The following CCDC15 variants were observed in gnomAD, a reference collection of about 807,000 sequenced individuals.
CCDC15 encodes coiled-coil domain-containing protein 15.
Under a neutral mutation model 114.5 loss-of-function variants are expected in CCDC15, and 105 were observed. That is an observed-to-expected ratio of 0.92 (90% CI 0.78 to 1.08). The LOEUF is 1.08. Among genes scored for constraint, CCDC15 ranks in the 50% least tolerant of loss-of-function variants. CCDC15 has a pLI of 0.00. For missense variants in CCDC15, 1,105 were observed against 1,093.6 expected (o/e 1.01, Z -0.15); for synonymous variants, 334 against 377.8 (o/e 0.88, Z 1.34).
chr11:124,955,370 A>G (rs934779925), intron 2 of CCDC15, among the ~76,000 whole-genome samples: 2 of 152,228 alleles, frequency 1.3e-5, no homozygotes, highest in Admixed American at 6.5e-5. Context: ...AATAAAGGAG[A>G]AAGAGATGAA....
chr11:125,039,059 A>G lies in CCDC15; in HGVS notation c.2724A>G (p.Lys908=). ...DTCANNCIFY[K]NHRAYTRALH... is the part of the protein sequence containing the mutation. Reference sequence around the variant, plus strand: ...GTGCCAACAACTGTATTTTCTATAAAAACCACAGAGGTAAGTTTCTTGAAG... The same window carrying G: ...GTGCCAACAACTGTATTTTCTATAAGAACCACAGAGGTAAGTTTCTTGAAG... The change falls in exon 15 of 16, where the codon AAA becomes AAG. Residue 908 remains lysine (K), a synonymous_variant. Coordinates refer to ENST00000344762, the MANE Select transcript of CCDC15 (RefSeq NM_025004.3). 6.3e-7 allele frequency: 1 copy of G among 1,595,000 alleles called. No homozygotes were observed. The highest frequency in any genetic ancestry group is 2.2e-5 in the East Asian group (1 of 44,480).
chr11:124,975,177 G>A lies in CCDC15; in HGVS notation c.598G>A (p.Asp200Asn). ...VIKKKGSVFP[D>N]DGRKSFLTRE... ...TAAAAAAAAGGGATCAGTGTTTCCA[G>A]ATGATGGAAGGAAAAGCTTTCTTAC... The change falls in exon 5 of 16, where the codon GAT (aspartate) becomes AAT (asparagine). Residue 200 changes from aspartate (D) to asparagine (N), a missense_variant. By Grantham distance (23) the Asp-to-Asn change is conservative (BLOSUM62 1). Coordinates refer to ENST00000344762, the MANE Select transcript of CCDC15 (RefSeq NM_025004.3). The A allele has an allele frequency of 6.3e-7, 1 of 1,596,262 alleles. No individual in the cohort carries two copies. The highest frequency in any genetic ancestry group is 8.5e-7 in the Non-Finnish European group (1 of 1,173,070).
At chr11:124,977,426 A>C in intron 5 of CCDC15, 52 bp from the exon 6 acceptor site, 3 of 1,476,634 alleles carry the variant, frequency 2.0e-6, no homozygotes, top group Non-Finnish European at 2.7e-6. Flanking sequence ...TAGTCTCATG[A>C]ATATGTTGCT....
Position 125,017,467 on chromosome 11 carries a change from G to A in CCDC15, c.2411+12255G>A, listed in dbSNP as rs77926748. Among the ~76,000 whole-genome samples, 23 of 152,230 alleles carry A rather than the reference G, an allele frequency of 1.5e-4. No homozygotes were observed. The East Asian group carries it at 3.9e-3, about 26-fold the overall frequency. ...TCACCTAGTGATGTAGCATTGTAATGCATTCCTCATGTGTTTGTGGTGATG... is the reference window on the plus strand; with the variant it reads ...TCACCTAGTGATGTAGCATTGTAATACATTCCTCATGTGTTTGTGGTGATG... On this transcript the variant is annotated intron_variant, in intron 13 of 15. Coordinates refer to ENST00000344762, the MANE Select transcript of CCDC15 (RefSeq NM_025004.3).
At chr11:125,020,512 A>T (rs1016625214) in intron 13 of CCDC15, among the ~76,000 whole-genome samples, 1 of 151,990 alleles carries the variant, frequency 6.6e-6, no homozygotes, top group Admixed American at 6.6e-5. Context: ...AAATGCAAAT[A>T]TTGACATTTT....
intron 13 of CCDC15, among the ~76,000 whole-genome samples, chr11:125,025,017 TATATGAATATATATATGAATAC>T (rs1948686261): frequency 7.0e-6 from 1 of 142,526 alleles, no homozygotes; most frequent in South Asian, 2.1e-4. Flanking sequence ...TATGAATATA[TATATGAATATATATATGAATAC>T]ATATGAATAT....
intron 12 of CCDC15, 121 bp downstream of exon 12, chr11:125,004,080 A>G: frequency 2.1e-6 from 1 of 480,912 alleles, no homozygotes; most frequent in South Asian, 6.3e-5. Flanking sequence ...CAAATTTCAT[A>G]AATCAAATAA....
chr11:125,023,053 G>A (rs1449409901), intron 13 of CCDC15, among the ~76,000 whole-genome samples: 1 of 151,794 alleles, frequency 6.6e-6, no homozygotes, highest in Non-Finnish European at 1.5e-5. Flanking sequence ...GTTCTTTTAT[G>A]GAGTGTGCTT....
intron 6 of CCDC15, among the ~76,000 whole-genome samples, chr11:124,986,044 A>G (rs1948151650): frequency 2.6e-5 from 4 of 152,158 alleles, no homozygotes. Flanking sequence ...TATGCTGTAA[A>G]TAAGTGGTTC....
At position 124,987,998 on chromosome 11, in the gene CCDC15, G is replaced by T; in HGVS notation, c.1772G>T (p.Gly591Val). Residue 591 changes from glycine to valine, a missense_variant, in exon 8 of 16, where the codon GGT becomes GTT. Physicochemically the swap from Gly to Val is moderately radical, Grantham distance 109. Transcript: ENST00000344762. ...QDQDFLPRDQ[G>V]YLPKDQNILP... ...CAGGATTTTCTACCCAGAGACCAAG[G>T]TTATCTTCCTAAAGACCAAAATATT... 1.9e-6 allele frequency: 3 copies of T among 1,612,874 alleles called. No homozygotes were observed. Among genetic ancestry groups the T allele is most frequent in the Non-Finnish European group, 2.5e-6 (3 of 1,179,622 alleles).
chr11:124,968,070 C>G (rs922752257), intron 4 of CCDC15, among the ~76,000 whole-genome samples: 1 of 152,150 alleles, frequency 6.6e-6, no homozygotes, highest in South Asian at 2.1e-4. Flanking sequence ...TCAGTCGGTC[C>G]CTACTGGGAG....
chr11:124,992,729 G>C (rs1186328163), intron 10 of CCDC15, 42 bp downstream of exon 10: 9 of 1,115,260 alleles, frequency 8.1e-6, no homozygotes, highest in East Asian at 2.5e-5. Flanking sequence ...CCTTCTAAAA[G>C]GGGAACAAGC....
chr11:124,974,293 C>G (rs1947936153), intron 4 of CCDC15, among the ~76,000 whole-genome samples: 1 of 152,114 alleles, frequency 6.6e-6, no homozygotes, highest in Non-Finnish European at 1.5e-5. Flanking sequence ...CAGTGCTTAT[C>G]TTAAAAATGA....
At chr11:124,954,954 C>CT (rs1453051889) in intron 2 of CCDC15, 45 bp downstream of exon 2, 2 of 1,532,700 alleles carry the variant, frequency 1.3e-6, no homozygotes, top group African/African-American at 2.7e-5. Context: ...CCCCACCACC[C>CT]TTTTTATTAG....
At chr11:124,992,066 G>A (rs946783785) in intron 9 of CCDC15, among the ~76,000 whole-genome samples, 2 of 152,168 alleles carry the variant, frequency 1.3e-5, no homozygotes, top group Non-Finnish European at 2.9e-5. Context: ...TGCTTCAGGA[G>A]CATAGAGTGT....
chr11:125,006,222 C>T (rs1948550833), intron 13 of CCDC15, among the ~76,000 whole-genome samples: 2 of 152,288 alleles, frequency 1.3e-5, no homozygotes, highest in South Asian at 4.1e-4. Flanking sequence ...TCCTTGCCAA[C>T]ATTTGGTGGT....
chr11:124,966,765 T>G lies in CCDC15; in HGVS notation c.516+6762T>G, dbSNP rs574431085. Among the ~76,000 whole-genome samples the G allele has an allele frequency of 3.5e-3, 526 of 152,336 alleles. 2 individuals are homozygous for G. Among genetic ancestry groups the G allele is most frequent in the African/African-American group, 0.012 (500 of 41,592 alleles). On this transcript the variant is annotated intron_variant, in intron 4 of 15. Transcript: ENST00000344762. ...TGGTCTTTACAATTTGGCATGTTTT[T>G]GCAGTGGCTGGTACTGGTTGTTCCT...
chr11:124,961,148 T>C (rs1279822570), intron 4 of CCDC15, among the ~76,000 whole-genome samples: 10 of 152,258 alleles, frequency 6.6e-5, no homozygotes, highest in Admixed American at 3.9e-4. Flanking sequence ...GAATAGAACA[T>C]TGACTTAAGA....
At chr11:125,030,230 T>C (rs1948728942) in intron 13 of CCDC15, among the ~76,000 whole-genome samples, 1 of 152,196 alleles carries the variant, frequency 6.6e-6, no homozygotes, top group African/African-American at 2.4e-5. Context: ...TATTGGACGC[T>C]GATTCAGAGC....
Sources: allele counts gnomAD v4.1 joint callset (sites outside exome capture counted in the v4.1 genomes callset), GRCh38; gene constraint gnomAD v4.1.1; transcripts MANE v1.5; gene names NCBI Gene and HGNC (gene_info 2026-07-23, HGNC 2026-07-21).